The following UGDH variants were observed in gnomAD, a reference collection of about 807,000 sequenced individuals.
The protein encoded by UGDH is UDP-Glc dehydrogenase.
In UGDH, 38 loss-of-function variants were observed where a neutral mutation model predicts 50.6. The observed-to-expected ratio is 0.75, with a 90% CI of 0.58 to 0.98. UGDH has a LOEUF of 0.98. Among genes scored for constraint, UGDH ranks in the 50% least tolerant of loss-of-function variants. The pLI is 0.00. For missense variants in UGDH, 465 were observed against 606.2 expected (o/e 0.77, Z 2.45); for synonymous variants, 168 against 199.9 (o/e 0.84, Z 1.35).
chr4:39,504,617 T>A (rs1271482037), intron 9 of UGDH, 109 bp from the exon 10 acceptor site: 3 of 956,978 alleles, frequency 3.1e-6, no homozygotes, highest in Non-Finnish European at 4.8e-6. Context: ...CCAGTAGATG[T>A]CTGAAACTGT....
At position 39,503,769 on chromosome 4, in the gene UGDH, G is replaced by T. The variant is rs568780405; in HGVS notation, c.1374+106C>A. On this transcript the variant is annotated intron_variant, in intron 11 of 11. Coordinates refer to ENST00000316423, the MANE Select transcript of UGDH (RefSeq NM_003359.4). ...TTAGCCAAACATATTCTGACCTGCT[G>T]TGATGGTCTTTTGATGTCAACTTGA... 7.3e-6 allele frequency: 7 copies of T among 956,920 alleles called. No homozygotes were observed. In the African/African-American group the frequency reaches 1.0e-4, roughly 14 times the overall value. 59.3% of individuals were successfully genotyped at this position (956,920 alleles called of 1,614,324 possible).
intron 2 of UGDH, among the ~76,000 whole-genome samples, chr4:39,520,983 T>C (rs531946942): frequency 2.7e-5 from 4 of 150,016 alleles, no homozygotes; most frequent in Admixed American, 2.0e-4. Flanking sequence ...TGAGGCAGAA[T>C]TGTTTGAACC....
rs368983187 is a variant in UGDH, at chr4:39,514,050, A to G, written c.264+33T>C. 3.3e-6 allele frequency: 5 copies of G among 1,510,838 alleles called. No homozygotes were observed. The African/African-American group carries it at 5.6e-5, about 17-fold the overall frequency. 93.6% of individuals were successfully genotyped at this position (1,510,838 alleles called of 1,614,324 possible). A position where few individuals can be genotyped will look rare whatever the true frequency, so the allele number is the denominator to read the frequency against. On this transcript the variant is annotated intron_variant, in intron 3 of 11. Transcript: ENST00000316423. The stretch of plus-strand genomic sequence containing the variant: ...GAAACTTTTATATAGACAAGAATAC[A>G]TTAAAATTCACACAACAAAGGAAAA...
chr4:39,518,747 C>A (rs1449262779), intron 2 of UGDH, among the ~76,000 whole-genome samples: 1 of 152,222 alleles, frequency 6.6e-6, no homozygotes, highest in East Asian at 1.9e-4. Context: ...GCATGAGCCA[C>A]TGTGCCTGGC....
chr4:39,523,141 C>T (rs927033609), intron 1 of UGDH, among the ~76,000 whole-genome samples: 6 of 152,124 alleles, frequency 3.9e-5, no homozygotes, highest in South Asian at 4.2e-4. Flanking sequence ...TTACAACCTC[C>T]GCCTCCTGGG....
chr4:39,505,205 C>A (rs775864129), intron 9 of UGDH, 32 bp downstream of exon 9: 5 of 1,564,514 alleles, frequency 3.2e-6, no homozygotes, highest in African/African-American at 2.8e-5. Context: ...CAGGTCTGGA[C>A]TCAAAATGAT....
At chr4:39,525,016 A>T (rs1394148843) in intron 1 of UGDH, among the ~76,000 whole-genome samples, 1 of 152,226 alleles carries the variant, frequency 6.6e-6, no homozygotes, top group Admixed American at 6.5e-5. Flanking sequence ...TTTCCCATGA[A>T]ATACGGCTTA....
intron 6 of UGDH, 25 bp downstream of exon 6, chr4:39,509,735 C>A: frequency 6.3e-7 from 1 of 1,597,290 alleles, no homozygotes; most frequent in South Asian, 1.1e-5. Flanking sequence ...CTAGCTCTTT[C>A]TACTAGAGAA....
chr4:39,512,163 C>CATGA (rs921612384), intron 3 of UGDH, among the ~76,000 whole-genome samples: 1 of 152,102 alleles, frequency 6.6e-6, no homozygotes, highest in African/African-American at 2.4e-5. Flanking sequence ...AAAACTAACA[C>CATGA]ATGAATGTTA....
At chr4:39,521,686 A>AT in intron 1 of UGDH, 167 bp from the exon 2 acceptor site, 1 of 538,730 alleles carries the variant, frequency 1.9e-6, no homozygotes, top group Non-Finnish European at 2.9e-6. Flanking sequence ...AAAAAATAAC[A>AT]TTCCAATTGG....
In UGDH at chr4:39,511,498, G is replaced by A. The variant is rs569103371; in HGVS notation, c.265-637C>T. Among the ~76,000 whole-genome samples the A allele has an allele frequency of 2.6e-5, 4 of 151,928 alleles. No individual in the cohort carries two copies. In the East Asian group the frequency reaches 7.8e-4, roughly 30 times the overall value. On this transcript the variant is annotated intron_variant, in intron 3 of 11. Coordinates refer to ENST00000316423, the MANE Select transcript of UGDH (RefSeq NM_003359.4). The stretch of plus-strand genomic sequence containing the variant: ...GGCTGGTCTCGAACTCCTGACCTCA[G>A]GTGATCTGTCCACCTCAGCATCCCA...
At chr4:39,523,340 C>A (rs1379207230) in intron 1 of UGDH, among the ~76,000 whole-genome samples, 1 of 152,074 alleles carries the variant, frequency 6.6e-6, no homozygotes, top group Non-Finnish European at 1.5e-5. Context: ...GCACGAGCCA[C>A]TGTGCCAGGC....
rs778486297 is a variant in UGDH at position 39,510,399 on chromosome 4, T to C, written c.617A>G (p.Glu206Gly). The change falls in exon 5 of 12, where the codon GAA (glutamate) becomes GGA (glycine). Residue 206 changes from glutamate (E) to glycine (G), a missense_variant. By Grantham distance (98) the Glu-to-Gly change is moderately conservative. Coordinates refer to ENST00000316423, the MANE Select transcript of UGDH (RefSeq NM_003359.4). The stretch of plus-strand genomic sequence containing the variant: ...CCAAGTATTAGTGGTGAGGATCTTT[T>C]CTCTGGGAACCCAGTGCTCATATAC... ...CAVYEHWVPR[E>G]KILTTNTWSS... 1.5e-5 allele frequency: 24 copies of C among 1,614,090 alleles called. No homozygotes were observed. Among genetic ancestry groups the C allele is most frequent in the Non-Finnish European group, 1.9e-5 (23 of 1,180,046 alleles).
intron 1 of UGDH, among the ~76,000 whole-genome samples, chr4:39,523,719 G>A (rs975191091): frequency 2.3e-4 from 35 of 151,540 alleles, no homozygotes; most frequent in Admixed American, 2.2e-3. Context: ...CAGGAGAATC[G>A]CTTGAACCCG....
At chr4:39,502,568 C>T (rs1745862064) in intron 11 of UGDH, among the ~76,000 whole-genome samples, 1 of 152,086 alleles carries the variant, frequency 6.6e-6, no homozygotes, top group African/African-American at 2.4e-5. Flanking sequence ...TTTATTCTCC[C>T]TAACTTACTC....
intron 10 of UGDH, 21 bp downstream of exon 10, chr4:39,504,396 G>C (rs1745948094): frequency 1.2e-6 from 2 of 1,607,914 alleles, no homozygotes; most frequent in Non-Finnish European, 1.7e-6. Context: ...ATTTTCCTTA[G>C]TATCTTTTCT....
chr4:39,525,564 T>G (rs1746848180), intron 1 of UGDH, among the ~76,000 whole-genome samples: 1 of 149,852 alleles, frequency 6.7e-6, no homozygotes, highest in South Asian at 2.1e-4. Flanking sequence ...TGGAGTGCAG[T>G]GGCGCAATCT....
chr4:39,521,336 G>A lies in UGDH; in HGVS notation c.162+15C>T. 6.3e-7 allele frequency: 1 copy of A among 1,588,712 alleles called. No homozygotes were observed. The highest frequency in any genetic ancestry group is 1.8e-5 in the Admixed American group (1 of 55,600). On this transcript the variant is annotated intron_variant, in intron 2 of 11. Coordinates refer to ENST00000316423, the MANE Select transcript of UGDH (RefSeq NM_003359.4). ...GAAAAAAGCATAAAAACAAAGAGAT[G>A]TTTAATATGTTTACCTCATAAATAG...
At chr4:39,522,293 G>A (rs1021640772) in intron 1 of UGDH, among the ~76,000 whole-genome samples, 1 of 152,234 alleles carries the variant, frequency 6.6e-6, no homozygotes, top group East Asian at 1.9e-4. Context: ...TCATTTATCC[G>A]TTATAATGAG....
Sources: allele counts gnomAD v4.1 joint callset (sites outside exome capture counted in the v4.1 genomes callset), GRCh38; gene constraint gnomAD v4.1.1; transcripts MANE v1.5; gene names NCBI Gene and HGNC (gene_info 2026-07-23, HGNC 2026-07-21).